TMTC2: variants seen among roughly 807,000 people sequenced by gnomAD.
TMTC2 encodes transmembrane O-mannosyltransferase targeting cadherins 2.
Under a neutral mutation model 82.4 loss-of-function variants are expected in TMTC2, and 43 were observed. The observed-to-expected ratio is 0.52, with a 90% confidence interval of 0.41 to 0.67. The LOEUF is 0.67. TMTC2 is among the 30% of genes least tolerant of loss of function. TMTC2 has a pLI of 0.00. For synonymous variants in TMTC2, 408 were observed against 381.9 expected (o/e 1.07, Z -0.80); for missense variants, 919 against 1,012.4 (o/e 0.91, Z 1.25).
chr12:82,982,078 T>C (rs1478758391), intron 7 of TMTC2, among the ~76,000 whole-genome samples: 3 of 151,634 alleles, frequency 2.0e-5, no homozygotes, highest in Admixed American at 6.6e-5. Context: ...TTTTGTAAAA[T>C]GAGACTGATA....
intron 1 of TMTC2, among the ~76,000 whole-genome samples, chr12:82,829,152 AGTTTT>A (rs900820820): frequency 6.6e-6 from 1 of 152,092 alleles, no homozygotes; most frequent in Non-Finnish European, 1.5e-5. Flanking sequence ...AGTCACCTTT[AGTTTT>A]GTTTTGTTTT....
intron 1 of TMTC2, among the ~76,000 whole-genome samples, chr12:82,854,296 G>T (rs1354701306): frequency 2.0e-5 from 3 of 152,186 alleles, no homozygotes; most frequent in Non-Finnish European, 4.4e-5. Context: ...AGAAATAGGA[G>T]GTAGTTAGCC....
intron 1 of TMTC2, among the ~76,000 whole-genome samples, chr12:82,740,896 C>T (rs530023805): frequency 7.2e-5 from 11 of 152,298 alleles, no homozygotes; most frequent in African/African-American, 2.4e-4. Flanking sequence ...AGGTTAGAGA[C>T]GCCAGAAAAA....
intron 1 of TMTC2, among the ~76,000 whole-genome samples, chr12:82,842,795 A>C (rs992833447): frequency 2.0e-5 from 3 of 152,092 alleles, no homozygotes; most frequent in African/African-American, 7.2e-5. Flanking sequence ...TTCTTTTCTC[A>C]TGTGCATTTC....
intron 11 of TMTC2, among the ~76,000 whole-genome samples, chr12:83,117,195 A>G (rs1884790400): frequency 6.6e-6 from 1 of 151,894 alleles, no homozygotes; most frequent in Admixed American, 6.6e-5. Flanking sequence ...TTCTTTCCCC[A>G]CTTTGTTTTT....
chr12:82,876,071 G>GGTGGTGGTGGTGGTGGTGGTGGT (rs1565788796), intron 2 of TMTC2, among the ~76,000 whole-genome samples: 2 of 119,104 alleles, frequency 1.7e-5, no homozygotes, highest in African/African-American at 8.1e-5. Context: ...TGGTGGTGAT[G>GGTGGTGGTGGTGGTGGTGGTGGT]ATGATGATGG....
At chr12:82,903,977 G>T (rs978474876) in intron 3 of TMTC2, among the ~76,000 whole-genome samples, 17 of 152,160 alleles carry the variant, frequency 1.1e-4, no homozygotes, top group African/African-American at 3.1e-4. Context: ...TTCGGATTGT[G>T]TGACTGCATC....
intron 1 of TMTC2, among the ~76,000 whole-genome samples, chr12:82,852,478 G>T (rs1459286839): frequency 6.6e-6 from 1 of 152,036 alleles, no homozygotes; most frequent in Non-Finnish European, 1.5e-5. Context: ...GCCAACAATT[G>T]TTTTTTTCCC....
At chr12:82,819,538 G>C (rs1351891969) in intron 1 of TMTC2, among the ~76,000 whole-genome samples, 1 of 124,826 alleles carries the variant, frequency 8.0e-6, no homozygotes, top group South Asian at 2.4e-4. Flanking sequence ...TTTCGCTCTC[G>C]TTGCCCAGGC....
chr12:82,939,842 G>C (rs1565819455), intron 4 of TMTC2, among the ~76,000 whole-genome samples: 1 of 151,946 alleles, frequency 6.6e-6, no homozygotes, highest in African/African-American at 2.4e-5. Flanking sequence ...GATTATTCCT[G>C]TGTGTTTTAT....
intron 11 of TMTC2, among the ~76,000 whole-genome samples, chr12:83,091,590 C>A (rs1403487752): frequency 6.6e-6 from 1 of 152,166 alleles, no homozygotes; most frequent in East Asian, 1.9e-4. Flanking sequence ...AAGTTGCTAT[C>A]TTACTGTTTC....
At chr12:83,020,070 G>T (rs1175691322) in intron 8 of TMTC2, among the ~76,000 whole-genome samples, 1 of 152,070 alleles carries the variant, frequency 6.6e-6, no homozygotes. Flanking sequence ...CAAATATTTT[G>T]ATTTTTAGAT....
At chr12:82,868,877 T>C (rs1156789715) in intron 2 of TMTC2, among the ~76,000 whole-genome samples, 1 of 152,096 alleles carries the variant, frequency 6.6e-6, no homozygotes, top group East Asian at 1.9e-4. Context: ...GTTTATTTTC[T>C]CACCTCCTGG....
chr12:82,891,667 GTTTCATACTTTGGCT>G (rs1344828212), intron 2 of TMTC2, among the ~76,000 whole-genome samples: 1 of 152,058 alleles, frequency 6.6e-6, no homozygotes, highest in Non-Finnish European at 1.5e-5. Flanking sequence ...GAAAATTGCA[GTTTCATACTTTGGCT>G]TATACTTTTT....
chr12:82,879,417 G>A (rs1043595716), intron 2 of TMTC2, among the ~76,000 whole-genome samples: 1 of 152,148 alleles, frequency 6.6e-6, no homozygotes, highest in African/African-American at 2.4e-5. Flanking sequence ...TAGATCCCTC[G>A]CATGTGCAGT....
intron 4 of TMTC2, among the ~76,000 whole-genome samples, chr12:82,943,289 T>C (rs1266469001): frequency 6.6e-6 from 1 of 152,224 alleles, no homozygotes; most frequent in African/African-American, 2.4e-5. Flanking sequence ...AATAAATTTA[T>C]AATGACATTC....
At chr12:82,987,381 G>A (rs1233574147) in intron 8 of TMTC2, among the ~76,000 whole-genome samples, 1 of 123,694 alleles carries the variant, frequency 8.1e-6, no homozygotes, top group Non-Finnish European at 1.6e-5. Context: ...CCGAGATCAT[G>A]CTACTACACT....
intron 7 of TMTC2, among the ~76,000 whole-genome samples, chr12:82,978,800 A>G (rs1391873871): frequency 6.6e-6 from 1 of 151,930 alleles, no homozygotes; most frequent in African/African-American, 2.4e-5. Flanking sequence ...GCCTTCAGCT[A>G]TTATTGTATT....
intron 1 of TMTC2, among the ~76,000 whole-genome samples, chr12:82,778,189 A>G (rs1165506752): frequency 6.6e-6 from 1 of 152,078 alleles, no homozygotes; most frequent in East Asian, 1.9e-4. Flanking sequence ...CAACAATATC[A>G]TATATAGCTT....
Sources: allele counts gnomAD v4.1 joint callset (sites outside exome capture counted in the v4.1 genomes callset), GRCh38; gene constraint gnomAD v4.1.1; transcripts MANE v1.5; gene names NCBI Gene and HGNC (gene_info 2026-07-23, HGNC 2026-07-21).